The following PLAU variants were observed in gnomAD, a reference collection of about 807,000 sequenced individuals.
PLAU encodes urokinase-type plasminogen activator.
A neutral mutation model predicts 48.9 loss-of-function variants in PLAU; 32 were observed. The ratio of observed to expected loss-of-function variants is 0.65; its 90% CI spans 0.49 to 0.88. The LOEUF is 0.88. PLAU is among the 40% of genes least tolerant of loss of function. The pLI, the probability that PLAU is intolerant of heterozygous loss-of-function variation, is 0.00. For missense variants in PLAU, 455 were observed against 545.2 expected (o/e 0.83, Z 1.65); for synonymous variants, 199 against 205.7 (o/e 0.97, Z 0.28).
rs1240640750 is a variant in PLAU, at chr10:73,911,834, C to T, written c.58-207C>T. The T allele has an allele frequency of 2.6e-6, 4 of 1,551,922 alleles. No individual in the cohort carries two copies. In the Admixed American group the frequency reaches 7.8e-5, roughly 30 times the overall value. Reference sequence around the variant, plus strand: ...AGGCCGCCGGGACTGCCCCAGCCTGCGGGCATCTGGTAGATGAAGCTTGCT... The same window carrying T: ...AGGCCGCCGGGACTGCCCCAGCCTGTGGGCATCTGGTAGATGAAGCTTGCT... On this transcript the variant is annotated intron_variant, in intron 2 of 10. Transcript: ENST00000372764.
chr10:73,911,724 G>T lies in PLAU; in HGVS notation c.57+112G>T, dbSNP rs1425349355. ...TCCTCCGGATTCCATCCACAGCAGG[G>T]CCAGACTCTCCCCAGGAAATGGGAC... On this transcript the variant is annotated intron_variant, in intron 2 of 10. Coordinates refer to ENST00000372764, the MANE Select transcript of PLAU (RefSeq NM_002658.6). 4 of 1,558,890 alleles carry T rather than the reference G, an allele frequency of 2.6e-6. 1 individual carries two copies. The African/African-American group carries it at 5.4e-5, about 21-fold the overall frequency.
At chr10:73,910,519 C>T (rs2096121766), upstream of PLAU, 1 of 152,208 alleles carries the variant, frequency 6.6e-6, no homozygotes, top group Admixed American at 6.5e-5. Context: ...CTGATAGCAC[C>T]ATCAAACAAA....
Position 73,916,894 on chromosome 10 carries a change from T to A in PLAU, c.*329T>A, listed in dbSNP as rs1235779126. On this transcript the variant is annotated 3_prime_UTR_variant, in exon 11 of 11. Coordinates refer to ENST00000372764, the MANE Select transcript of PLAU (RefSeq NM_002658.6). ...GTGCATGGGTGAAGGGAGAGCCAGC[T>A]CCCCCGACGGTGGGCATTTGTGAGG... 1.6e-5 allele frequency: 4 copies of A among 247,208 alleles called. No individual in the cohort carries two copies. Among genetic ancestry groups the A allele is most frequent in the Admixed American group, 5.0e-5 (1 of 19,876 alleles). 15.3% of individuals were successfully genotyped at this position (247,208 alleles called of 1,614,324 possible). A position where few individuals can be genotyped will look rare whatever the true frequency, so the allele number is the denominator to read the frequency against.
intron 5 of PLAU, 32 bp from the exon 6 acceptor site, chr10:73,913,258 G>C (rs750937039): frequency 1.1e-5 from 17 of 1,610,640 alleles, no homozygotes; most frequent in Non-Finnish European, 1.4e-5. Flanking sequence ...CTCTGGGTTG[G>C]AATGACATCC....
chr10:73,915,188 C>T, intron 9 of PLAU, 63 bp from the exon 10 acceptor site: 1 of 1,521,622 alleles, frequency 6.6e-7, no homozygotes, highest in Non-Finnish European at 8.9e-7. Context: ...GTTCCCCTCT[C>T]TGGCAGACTC....
At chr10:73,912,819 C>T in intron 4 of PLAU, 105 bp from the exon 5 acceptor site, 1 of 862,930 alleles carries the variant, frequency 1.2e-6, no homozygotes, top group Non-Finnish European at 1.8e-6. Flanking sequence ...CCACTGCACT[C>T]CAACTGGGCG....
chr10:73,911,899 TC>T (rs1417576768), intron 2 of PLAU, 141 bp from the exon 3 acceptor site: 3 of 1,573,872 alleles, frequency 1.9e-6, no homozygotes, highest in Non-Finnish European at 2.6e-6. Context: ...CCCATGGTCT[TC>T]CATTTGAGAA....
chr10:73,911,828 A>C, intron 2 of PLAU: 4 of 1,551,980 alleles, frequency 2.6e-6, no homozygotes, highest in Non-Finnish European at 3.5e-6. Flanking sequence ...GGACTGCCCC[A>C]GCCTGCGGGC....
chr10:73,915,492 C>G, intron 10 of PLAU, 93 bp downstream of exon 10: 1 of 1,258,558 alleles, frequency 7.9e-7, no homozygotes, highest in Non-Finnish European at 1.1e-6. Context: ...TCTCTCTAGC[C>G]AAAGCCCTAA....
chr10:73,916,490 C>A lies in PLAU; in HGVS notation c.1221C>A (p.Gly407=), dbSNP rs758880290. The A allele has an allele frequency of 1.2e-6, 2 of 1,613,846 alleles. No individual in the cohort carries two copies. Among genetic ancestry groups the A allele is most frequent in the South Asian group, 1.1e-5 (1 of 91,020 alleles). ...GATGTGCCCTGAAGGACAAGCCAGG[C>A]GTCTACACGAGAGTCTCACACTTCT... ...GRGCALKDKP[G]VYTRVSHFLP... The change falls in exon 11 of 11, where the codon GGC becomes GGA. Residue 407 remains glycine, a synonymous_variant. Coordinates refer to ENST00000372764, the MANE Select transcript of PLAU (RefSeq NM_002658.6).
intron 8 of PLAU, 35 bp from the exon 9 acceptor site, chr10:73,914,741 T>C: frequency 1.2e-6 from 2 of 1,603,752 alleles, no homozygotes; most frequent in Non-Finnish European, 1.7e-6. Context: ...TAACCAGTAG[T>C]GATCTTTCTC....
At position 73,913,602 on chromosome 10, in the gene PLAU, C is replaced by T. The variant is rs781446239; in HGVS notation, c.524C>T (p.Pro175Leu). 2 of 1,613,960 alleles carry T rather than the reference C, an allele frequency of 1.2e-6. No homozygotes were observed. Among genetic ancestry groups the T allele is most frequent in the Admixed American group, 1.7e-5 (1 of 60,018 alleles). The change falls in exon 7 of 11, where the codon CCC becomes CTC. Residue 175 changes from proline (P) to leucine (L), a missense_variant. Physicochemically the swap from Pro to Leu is moderately conservative, Grantham distance 98. Transcript: ENST00000372764. ...CAGTGTGGCCAAAAGACTCTGAGGC[C>T]CCGCTTTAAGATTATTGGGGGAGAA... ...KFQCGQKTLR[P>L]RFKIIGGEFT... is the part of the protein sequence containing the mutation.
rs751438925 is a variant in PLAU, at chr10:73,914,893, C to T, written c.947C>T (p.Thr316Ile). Residue 316 changes from threonine (T) to isoleucine (I), a missense_variant, in exon 9 of 11, where the codon ACT becomes ATT. Transcript: ENST00000372764. ...CAGTTTGGCACAAGCTGTGAGATCA[C>T]TGGCTTTGGAAAAGAGAATTCTAGT... The part of the protein sequence containing the change: ...DPQFGTSCEI[T>I]GFGKENSTDY... 6.2e-7 allele frequency: 1 copy of T among 1,614,188 alleles called. No individual in the cohort carries two copies. Among genetic ancestry groups the T allele is most frequent in the South Asian group, 1.1e-5 (1 of 91,086 alleles).
At chr10:73,913,518 A>T (rs2096129424) in intron 6 of PLAU, 21 bp from the exon 7 acceptor site, 1 of 1,599,690 alleles carries the variant, frequency 6.3e-7, no homozygotes, top group Admixed American at 1.7e-5. Flanking sequence ...TCCCTAAGAC[A>T]TCCCTCTGTT....
rs1435611170 is a variant in PLAU at position 73,913,539 on chromosome 10, G to GA, written c.467dup (p.Pro157AlafsTer22). 2 of 1,610,164 alleles carry GA rather than the reference G, an allele frequency of 1.2e-6. No homozygotes were observed. The highest frequency in any genetic ancestry group is 1.3e-5 in the African/African-American group (1 of 74,650). ...AGACATCCCTCTGTTTGTCCTCCAGGAAAAAAGCCCTCCTCTCCTCCAGAA... is the reference window on the plus strand; with the variant it reads ...AGACATCCCTCTGTTTGTCCTCCAGGAAAAAAAGCCCTCCTCTCCTCCAGAA... On this transcript the variant is annotated frameshift_variant and splice_region_variant, in exon 7 of 11. Coordinates refer to ENST00000372764, the MANE Select transcript of PLAU (RefSeq NM_002658.6). LOFTEE classifies it high-confidence loss of function.
At position 73,911,792 on chromosome 10, in the gene PLAU, G is replaced by C. The variant is rs556666631; in HGVS notation, c.57+180G>C. 62 of 1,551,790 alleles carry C rather than the reference G, an allele frequency of 4.0e-5. 1 individual carries two copies. The highest frequency in any genetic ancestry group is 1.8e-4 in the Admixed American group (9 of 51,010). The stretch of plus-strand genomic sequence containing the variant: ...TTGAGAACCACGGGGGTTGGCACTG[G>C]CTGGCAAGGGAGGAAGAGGCCGCCG... On this transcript the variant is annotated intron_variant, in intron 2 of 10. Coordinates refer to ENST00000372764, the MANE Select transcript of PLAU (RefSeq NM_002658.6).
chr10:73,909,199 A>C (rs1012719950), upstream of PLAU: 3 of 152,234 alleles, frequency 2.0e-5, no homozygotes, highest in Non-Finnish European at 2.9e-5. Context: ...GACAGCCTCC[A>C]GCCAAGTAAT....
At position 73,911,501 on chromosome 10, in the gene PLAU, C is replaced by T. The variant is rs112529227; in HGVS notation, c.-31-24C>T. 6.1e-5 allele frequency: 98 copies of T among 1,594,226 alleles called. No homozygotes were observed. The African/African-American group carries it at 1.1e-3, about 17-fold the overall frequency. On this transcript the variant is annotated intron_variant, in intron 1 of 10. Coordinates refer to ENST00000372764, the MANE Select transcript of PLAU (RefSeq NM_002658.6). ...TGCCTTCCCGTTCCTCCGCCTCTTG[C>T]CCTGACTTCTCCTTCCTTTGCAGAG... is the stretch of plus-strand genomic sequence containing the variant.
Position 73,914,944 on chromosome 10 carries a change from A to G in PLAU, c.970+28A>G, listed in dbSNP as rs779159794. ...AAGTGACAATTGCGACTGACTTAGA[A>G]GGTCCTGAGGAGTGTTTTGACCTGA... On this transcript the variant is annotated intron_variant, in intron 9 of 10. Coordinates refer to ENST00000372764, the MANE Select transcript of PLAU (RefSeq NM_002658.6). The G allele has an allele frequency of 2.5e-6, 4 of 1,610,826 alleles. No individual in the cohort carries two copies. The East Asian group carries it at 8.9e-5, about 36-fold the overall frequency.
Sources: gnomAD v4.1 joint callset for allele counts on GRCh38, gnomAD v4.1.1 for gene constraint, MANE v1.5 for transcripts, NCBI Gene and HGNC (gene_info 2026-07-23, HGNC 2026-07-21) for gene names.